Variants in GCDH observed in about 807,000 individuals in gnomAD.
GCDH encodes the protein glutaryl-CoA dehydrogenase, also known as glutaryl-CoA dehydrogenase, mitochondrial.
GCDH carries 31 observed loss-of-function variants against 52.8 expected under a neutral mutation model. That is an observed-to-expected ratio of 0.59 (90% CI 0.44 to 0.79). The LOEUF (loss-of-function observed/expected upper bound fraction) is 0.79, where lower values mean the gene tolerates loss of function less well. GCDH is among the 30% of genes least tolerant of loss of function. GCDH has a pLI of 0.00. For missense variants in GCDH, 509 were observed against 595.0 expected, an observed-to-expected ratio of 0.86 and a Z score of 1.50; for synonymous variants, 242 against 250.0, an observed-to-expected ratio of 0.97 and a Z score of 0.30.
chr19:12,891,694 G>C, intron 3 of GCDH, 137 bp from the exon 4 acceptor site: 1 of 1,603,714 alleles, frequency 6.2e-7, no homozygotes, highest in Non-Finnish European at 8.5e-7. Context: ...CCGGAGAAAA[G>C]TCACCTGATC....
At position 12,899,776 on chromosome 19, in the gene GCDH, A is replaced by G. The variant is rs750127457; in HGVS notation, c.*235A>G. 3 of 1,604,046 alleles carry G rather than the reference A, an allele frequency of 1.9e-6. No homozygotes were observed. The East Asian group carries it at 6.7e-5, about 36-fold the overall frequency. ...CAATCCACTTTTAACCATGGATGAG[A>G]GCAGACTCCATTTACCCTGAAATAG... is the stretch of plus-strand genomic sequence containing the variant. On this transcript the variant is annotated 3_prime_UTR_variant, in exon 12 of 12. Coordinates refer to ENST00000222214, the MANE Select transcript of GCDH (RefSeq NM_000159.4).
Position 12,893,630 on chromosome 19 carries a change from G to A in GCDH, c.482G>A (p.Arg161Gln), listed in dbSNP as rs777201305. The change falls in exon 6 of 12, where the codon CGG becomes CAG. Residue 161 changes from arginine (R) to glutamine (Q), a missense_variant. Arg to Gln is a conservative substitution (Grantham distance 43, BLOSUM62 1). Transcript: ENST00000222214. ...PIYAYGSEEQ[R>Q]QKYLPQLAKG... ...TATGCCTATGGCAGCGAGGAACAGCGGCAGAAGTACCTGCCCCAGCTGGGT... is the reference window on the plus strand; with the variant it reads ...TATGCCTATGGCAGCGAGGAACAGCAGCAGAAGTACCTGCCCCAGCTGGGT... 27 of 1,613,980 alleles carry A rather than the reference G, an allele frequency of 1.7e-5. No individual in the cohort carries two copies. Among genetic ancestry groups the A allele is most frequent in the East Asian group, 4.5e-5 (2 of 44,890 alleles).
intron 6 of GCDH, chr19:12,894,741 A>T: frequency 1.2e-6 from 1 of 835,588 alleles, no homozygotes; most frequent in Non-Finnish European, 1.9e-6. Context: ...AAGAAAAATA[A>T]AGAAGAGGCT....
chr19:12,894,111 G>A (rs1343814876), intron 6 of GCDH: 6 of 1,075,916 alleles, frequency 5.6e-6, no homozygotes, highest in Admixed American at 1.9e-5. Context: ...GTGGTGTCTC[G>A]GAGGTGTTCA....
At position 12,894,284 on chromosome 19, in the gene GCDH, G is replaced by A. The variant is rs140176989; in HGVS notation, c.505+631G>A. On this transcript the variant is annotated intron_variant, in intron 6 of 11. Coordinates refer to ENST00000222214, the MANE Select transcript of GCDH (RefSeq NM_000159.4). Reference sequence around the variant, plus strand: ...GAAGAATGGAAGGGTTACGTGGTCGGAATCAGTGGTGGGAACAATAAACAA... The same window carrying A: ...GAAGAATGGAAGGGTTACGTGGTCGAAATCAGTGGTGGGAACAATAAACAA... 2.7e-4 allele frequency: 230 copies of A among 864,822 alleles called. 1 individual carries two copies. In the African/African-American group the frequency reaches 3.2e-3, roughly 12 times the overall value. 53.6% of individuals were successfully genotyped at this position (864,822 alleles called of 1,614,324 possible). A position where few individuals can be genotyped will look rare whatever the true frequency, so the allele number is the denominator to read the frequency against.
chr19:12,891,523 G>A lies in GCDH; in HGVS notation c.127+1G>A, dbSNP rs1473339589. On this transcript the variant is annotated splice_donor_variant, in intron 3 of 11. Coordinates refer to ENST00000222214, the MANE Select transcript of GCDH (RefSeq NM_000159.4). LOFTEE classifies it high-confidence loss of function. ...AGAACACAGAGCCAACTGGCTAAGT[G>A]TAAGGACCTCTGGTCGCACCGTGTG... The A allele has an allele frequency of 2.0e-5, 32 of 1,614,118 alleles. No individual in the cohort carries two copies. The highest frequency in any genetic ancestry group is 2.6e-5 in the Non-Finnish European group (31 of 1,180,042).
chr19:12,892,458 A>C (rs1568425345), intron 5 of GCDH: 1 of 516,078 alleles, frequency 1.9e-6, no homozygotes, highest in East Asian at 3.5e-5. Context: ...TGCCTGGCTA[A>C]TTTTTGTATT....
Position 12,891,215 on chromosome 19 carries a change from C to A in GCDH, c.-35+13C>A, listed in dbSNP as rs1970545359. ...GAGGTACTACCAGGTAAGGAAGGTG[C>A]GGTAGCCCCAGCCGTGGGTGAGAGG... On this transcript the variant is annotated intron_variant, in intron 1 of 11. Coordinates refer to ENST00000222214, the MANE Select transcript of GCDH (RefSeq NM_000159.4). The A allele has an allele frequency of 1.0e-6, 1 of 988,676 alleles. No homozygotes were observed. The highest frequency in any genetic ancestry group is 1.3e-5 in the South Asian group (1 of 75,908). 61.2% of individuals were successfully genotyped at this position (988,676 alleles called of 1,614,324 possible).
At position 12,899,706 on chromosome 19, in the gene GCDH, A is replaced by AT; in HGVS notation, c.*165_*166insT. ...CAAAATTTCCCTTCTGAAGTCGTTC[A>AT]GATGTGTTCCTTAAAAAGAAGATGG... On this transcript the variant is annotated 3_prime_UTR_variant, in exon 12 of 12. Coordinates refer to ENST00000222214, the MANE Select transcript of GCDH (RefSeq NM_000159.4). The AT allele has an allele frequency of 6.2e-7, 1 of 1,612,040 alleles. No homozygotes were observed. Among genetic ancestry groups the AT allele is most frequent in the Admixed American group, 1.7e-5 (1 of 59,968 alleles).
At chr19:12,891,437 C>G in intron 2 of GCDH, 42 bp downstream of exon 2, 2 of 1,614,124 alleles carry the variant, frequency 1.2e-6, no homozygotes, top group Non-Finnish European at 1.7e-6. Flanking sequence ...GAGGGAGGAA[C>G]TGGGGGTTTA....
Position 12,891,398 on chromosome 19 carries a change from C to T in GCDH, c.91+3C>T. On this transcript the variant is annotated splice_donor_region_variant and intron_variant, in intron 2 of 11. Transcript: ENST00000222214. ...GGTCTCGTCGGCGGCGCAGACCGGTCAGTGTGGGGTCGGGAGTGTGGAGGG... is the reference window on the plus strand; with the variant it reads ...GGTCTCGTCGGCGGCGCAGACCGGTTAGTGTGGGGTCGGGAGTGTGGAGGG... 1 of 1,614,098 alleles carries T rather than the reference C, an allele frequency of 6.2e-7. No homozygotes were observed. Among genetic ancestry groups the T allele is most frequent in the South Asian group, 1.1e-5 (1 of 91,076 alleles).
Position 12,891,982 on chromosome 19 carries a change from G to C in GCDH, c.271+8G>C. On this transcript the variant is annotated splice_region_variant and intron_variant, in intron 4 of 11. Coordinates refer to ENST00000222214, the MANE Select transcript of GCDH (RefSeq NM_000159.4). ...TGGCCAATCGCAACGAAGGTGGGCGGGCTGGTGGGTGCCCTGAGACTGCTC... is the reference window on the plus strand; with the variant it reads ...TGGCCAATCGCAACGAAGGTGGGCGCGCTGGTGGGTGCCCTGAGACTGCTC... The C allele has an allele frequency of 1.2e-6, 2 of 1,614,230 alleles. No individual in the cohort carries two copies. Among genetic ancestry groups the C allele is most frequent in the Non-Finnish European group, 1.7e-6 (2 of 1,180,042 alleles).
At position 12,894,155 on chromosome 19, in the gene GCDH, CA is replaced by C. The variant is rs1376590469; in HGVS notation, c.505+503del. ...AAGATGAAGCTGAACATCTCCTTCCCAGCCACTGGCTGCCAGAAACTCATTG... is the reference window on the plus strand; with the variant it reads ...AAGATGAAGCTGAACATCTCCTTCCCGCCACTGGCTGCCAGAAACTCATTG... On this transcript the variant is annotated intron_variant, in intron 6 of 11. Transcript: ENST00000222214. 4.5e-6 allele frequency: 7 copies of C among 1,561,362 alleles called. No individual in the cohort carries two copies. The Admixed American group carries it at 1.0e-4, about 23-fold the overall frequency.
Position 12,891,898 on chromosome 19 carries a change from C to T in GCDH, c.195C>T (p.Ile65=). ...VLEEQLTTDE[I]LIRDTFRTYC... ...AGGAGCAGCTGACCACAGATGAGAT[C>T]CTCATCAGGGACACCTTCCGCACCT... Residue 65 remains isoleucine (I), a synonymous_variant, in exon 4 of 12, where the codon ATC becomes ATT. Transcript: ENST00000222214. The T allele has an allele frequency of 6.2e-7, 1 of 1,613,892 alleles. No homozygotes were observed. The highest frequency in any genetic ancestry group is 8.5e-7 in the Non-Finnish European group (1 of 1,179,742).
intron 9 of GCDH, 85 bp from the exon 10 acceptor site, chr19:12,897,218 G>T: frequency 1.9e-6 from 3 of 1,556,894 alleles, no homozygotes; most frequent in Admixed American, 1.7e-5. Context: ...GCCTGGGAAG[G>T]CGTCCTGGAG....
chr19:12,894,806 G>T, intron 6 of GCDH: 3 of 676,376 alleles, frequency 4.4e-6, no homozygotes, highest in Non-Finnish European at 7.3e-6. Flanking sequence ...GAAGCACCAG[G>T]GACAAATCGT....
rs1006150317 is a variant in GCDH at position 12,891,875 on chromosome 19, G to T, written c.172G>T (p.Glu58Ter). The change falls in exon 4 of 12, where the codon GAG (glutamate) becomes TAG (stop). Residue 58 changes from glutamate (E) to a stop codon, truncating the protein, a stop_gained. Coordinates refer to ENST00000222214, the MANE Select transcript of GCDH (RefSeq NM_000159.4). LOFTEE classifies it high-confidence loss of function. ...CTGGCAGGACCCGCTGGTGCTGGAG[G>T]AGCAGCTGACCACAGATGAGATCCT... ...FDWQDPLVLE[E>*]QLTTDEILIR... 5.0e-6 allele frequency: 8 copies of T among 1,614,098 alleles called. No individual in the cohort carries two copies. Among genetic ancestry groups the T allele is most frequent in the Non-Finnish European group, 5.9e-6 (7 of 1,179,972 alleles).
At chr19:12,891,592 T>C (rs760596722) in intron 3 of GCDH, 70 bp downstream of exon 3, 2 of 1,613,470 alleles carry the variant, frequency 1.2e-6, no homozygotes, top group East Asian at 4.5e-5. Flanking sequence ...AGGTGGACTC[T>C]GTCCCAGAAT....
intron 5 of GCDH, 29 bp downstream of exon 5, chr19:12,892,207 C>T (rs1319348980): frequency 3.2e-6 from 5 of 1,571,532 alleles, no homozygotes; most frequent in Non-Finnish European, 4.4e-6. Flanking sequence ...CCACACACTG[C>T]AGAACCCTCT....
Sources: allele counts gnomAD v4.1 joint callset, GRCh38; gene constraint gnomAD v4.1.1; transcripts MANE v1.5; gene names NCBI Gene and HGNC (gene_info 2026-07-23, HGNC 2026-07-21).